EMP2: variants seen among roughly 807,000 people sequenced by gnomAD.
EMP2 encodes epithelial membrane protein 2.
Under a neutral mutation model 13.7 loss-of-function variants are expected in EMP2, and 19 were observed. That is an observed-to-expected ratio of 1.38 (90% CI 0.97 to 2.03). The LOEUF (loss-of-function observed/expected upper bound fraction) is 2.03. Among genes scored for constraint, EMP2 ranks in the 30% most tolerant of loss-of-function variants. EMP2 has a pLI of 0.00. For synonymous variants in EMP2, 97 were observed against 84.7 expected (o/e 1.15, Z -0.80); for missense variants, 253 against 220.7 (o/e 1.15, Z -0.93).
At position 10,580,006 on chromosome 16, in the gene EMP2, G is replaced by A. The variant is rs998953538; in HGVS notation, c.-61+543C>T. ...AGCCCTTCTAGAGTTGGCAGGGAGA[G>A]AGGTGTCATCCCAGCAGCGCCTCCC... On this transcript the variant is annotated intron_variant, in intron 1 of 4. Transcript: ENST00000359543. The surrounding 1 kb of genome is among the most constrained non-coding windows in gnomAD (Gnocchi z 4.3). Among the ~76,000 whole-genome samples, 1 of 152,180 alleles carries A rather than the reference G, an allele frequency of 6.6e-6. No homozygotes were observed. The highest frequency in any genetic ancestry group is 2.4e-5 in the African/African-American group (1 of 41,458).
intron 1 of EMP2, among the ~76,000 whole-genome samples, chr16:10,570,394 G>C (rs1336712343): frequency 6.6e-6 from 1 of 151,874 alleles, no homozygotes; most frequent in East Asian, 1.9e-4. Context: ...CCCAGCTAAT[G>C]TTTATTTTAT....
chr16:10,541,308 T>C (rs1406427870), intron 3 of EMP2, among the ~76,000 whole-genome samples: 9 of 152,180 alleles, frequency 5.9e-5, no homozygotes, highest in Non-Finnish European at 4.4e-5. Flanking sequence ...GTAAAAAAAG[T>C]TGGCAAACTT....
At position 10,532,824 on chromosome 16, in the gene EMP2, T is replaced by C; in HGVS notation, c.*81A>G. The C allele has an allele frequency of 1.6e-6, 1 of 641,746 alleles. No individual in the cohort carries two copies. Among genetic ancestry groups the C allele is most frequent in the Non-Finnish European group, 2.0e-6 (1 of 496,646 alleles). 39.8% of individuals were successfully genotyped at this position (641,746 alleles called of 1,614,324 possible). On this transcript the variant is annotated 3_prime_UTR_variant, in exon 5 of 5. Transcript: ENST00000359543. ...AAACAATACGTTTGCTAGAAAAACCTCAAAAAATAATGATTATATACAAAA... is the reference window on the plus strand; with the variant it reads ...AAACAATACGTTTGCTAGAAAAACCCCAAAAAATAATGATTATATACAAAA...
intron 1 of EMP2, among the ~76,000 whole-genome samples, chr16:10,549,950 A>C (rs1442422204): frequency 7.6e-6 from 1 of 130,934 alleles, no homozygotes; most frequent in African/African-American, 3.1e-5. Context: ...CAGTGGTGCG[A>C]TCTCAGCCCA....
chr16:10,573,617 G>A (rs545048807), intron 1 of EMP2, among the ~76,000 whole-genome samples: 15 of 152,218 alleles, frequency 9.9e-5, no homozygotes, highest in African/African-American at 3.1e-4. Context: ...GGAAAATGAG[G>A]GCATTATTAT....
chr16:10,531,699 G>C lies in EMP2; in HGVS notation c.*1206C>G, dbSNP rs2050604146. The C allele has an allele frequency of 6.5e-6, 1 of 152,798 alleles. No individual in the cohort carries two copies. The highest frequency in any genetic ancestry group is 2.4e-5 in the African/African-American group (1 of 41,452). 9.5% of individuals were successfully genotyped at this position (152,798 alleles called of 1,614,324 possible). On this transcript the variant is annotated 3_prime_UTR_variant, in exon 5 of 5. Coordinates refer to ENST00000359543, the MANE Select transcript of EMP2 (RefSeq NM_001424.6). ...GAGCCCTAGGAGGAGATTGTCTCTAGAGGGTATCCCCTGTGCCTGGCACAT... is the reference window on the plus strand; with the variant it reads ...GAGCCCTAGGAGGAGATTGTCTCTACAGGGTATCCCCTGTGCCTGGCACAT...
At chr16:10,579,731 C>T (rs2142219134) in intron 1 of EMP2, among the ~76,000 whole-genome samples, 1 of 152,054 alleles carries the variant, frequency 6.6e-6, no homozygotes, top group African/African-American at 2.4e-5. Context: ...CACACACACA[C>T]ACACACACCC....
intron 1 of EMP2, among the ~76,000 whole-genome samples, chr16:10,554,982 G>A: frequency 6.6e-6 from 1 of 152,142 alleles, no homozygotes; most frequent in East Asian, 1.9e-4. Flanking sequence ...TATTCGTTCA[G>A]TTGTTTATTG....
At chr16:10,579,425 AC>A (rs1198717609) in intron 1 of EMP2, among the ~76,000 whole-genome samples, 1 of 152,064 alleles carries the variant, frequency 6.6e-6, no homozygotes, top group Non-Finnish European at 1.5e-5. Context: ...TAAGCATACA[AC>A]TCAGTGGCAT....
At chr16:10,562,388 C>CTA (rs2050879015) in intron 1 of EMP2, among the ~76,000 whole-genome samples, 2 of 150,676 alleles carry the variant, frequency 1.3e-5, no homozygotes, top group South Asian at 2.1e-4. Flanking sequence ...CTCTATCTAT[C>CTA]TCTCTCTCTC....
intron 4 of EMP2, 52 bp from the exon 5 acceptor site, chr16:10,533,144 T>G: frequency 1.4e-6 from 2 of 1,428,304 alleles, no homozygotes; most frequent in Non-Finnish European, 1.9e-6. Flanking sequence ...CAGTGCACCC[T>G]GGGTAGCCCA....
intron 1 of EMP2, among the ~76,000 whole-genome samples, chr16:10,569,214 G>T (rs1248748535): frequency 6.6e-6 from 1 of 152,198 alleles, no homozygotes; most frequent in Non-Finnish European, 1.5e-5. Context: ...TAGGCCCTCA[G>T]TGTCAATCAC....
In EMP2 at chr16:10,530,500, T is replaced by A. The variant is rs1170348836; in HGVS notation, c.*2405A>T. 2.6e-5 allele frequency: 4 copies of A among 152,570 alleles called. No individual in the cohort carries two copies. The highest frequency in any genetic ancestry group is 4.2e-4 in the South Asian group (2 of 4,808). 9.5% of individuals were successfully genotyped at this position (152,570 alleles called of 1,614,324 possible). ...AAATAGCACGAGGTCCCACACCCCA[T>A]CCCAGGACAGCCCCCAGCATCCTGC... On this transcript the variant is annotated 3_prime_UTR_variant, in exon 5 of 5. Coordinates refer to ENST00000359543, the MANE Select transcript of EMP2 (RefSeq NM_001424.6).
intron 1 of EMP2, among the ~76,000 whole-genome samples, chr16:10,558,179 A>G (rs941790019): frequency 2.0e-5 from 3 of 151,988 alleles, no homozygotes; most frequent in African/African-American, 7.2e-5. Context: ...ACAGCTGTGC[A>G]CCACCATGCC....
At chr16:10,549,714 C>CGT (rs1265656171) in intron 1 of EMP2, among the ~76,000 whole-genome samples, 2 of 80,490 alleles carry the variant, frequency 2.5e-5, no homozygotes, top group African/African-American at 1.3e-4. Flanking sequence ...GATTAATGCA[C>CGT]GCACACACAC....
intron 3 of EMP2, among the ~76,000 whole-genome samples, chr16:10,541,165 G>A (rs532144926): frequency 1.3e-5 from 2 of 152,094 alleles, no homozygotes; most frequent in African/African-American, 2.4e-5. Flanking sequence ...CACTTTGGGA[G>A]GCCAAGGTGG....
At chr16:10,550,858 C>T (rs568390610) in intron 1 of EMP2, among the ~76,000 whole-genome samples, 1 of 151,980 alleles carries the variant, frequency 6.6e-6, no homozygotes, top group African/African-American at 2.4e-5. Flanking sequence ...ACCTGTAATT[C>T]CAGGTACTCA....
intron 1 of EMP2, among the ~76,000 whole-genome samples, chr16:10,579,044 A>G (rs1024339301): frequency 1.3e-5 from 2 of 152,206 alleles, no homozygotes; most frequent in African/African-American, 4.8e-5. Context: ...CCTTGAGCAA[A>G]CCGACTTAGA....
intron 1 of EMP2, among the ~76,000 whole-genome samples, chr16:10,556,495 G>A (rs7201958): frequency 0.049 from 7,482 of 152,248 alleles, 269 homozygotes; most frequent in African/African-American, 0.1. Flanking sequence ...TCCATGTGTG[G>A]CACTTTTCAG....
Sources: gnomAD v4.1 joint callset for allele counts (sites outside exome capture counted in the v4.1 genomes callset) on GRCh38, gnomAD v4.1.1 for gene constraint, Gnocchi (gnomAD v3.1) non-coding constraint, MANE v1.5 for transcripts, NCBI Gene and HGNC (gene_info 2026-07-23, HGNC 2026-07-21) for gene names.